Variants in IGSF21 observed in about 807,000 individuals in gnomAD.
The protein encoded by IGSF21 is immunoglobulin superfamily member 21.
Under a neutral mutation model 46.8 loss-of-function variants are expected in IGSF21, and 28 were observed. The observed-to-expected ratio is 0.60, with a 90% CI of 0.44 to 0.82. IGSF21 has a LOEUF of 0.82. Among genes scored for constraint, IGSF21 ranks in the 40% least tolerant of loss-of-function variants. IGSF21 has a pLI of 0.00. For synonymous variants in IGSF21, 284 were observed against 273.6 expected (o/e 1.04, Z -0.38); for missense variants, 624 against 665.5 (o/e 0.94, Z 0.69).
At chr1:18,256,763 G>T (rs1283349277) in intron 2 of IGSF21, among the ~76,000 whole-genome samples, 1 of 152,176 alleles carries the variant, frequency 6.6e-6, no homozygotes, top group Non-Finnish European at 1.5e-5. Flanking sequence ...TTCTGAGACA[G>T]GGGAGGAGAC....
chr1:18,286,900 G>A (rs917954480), intron 2 of IGSF21, among the ~76,000 whole-genome samples: 6 of 152,142 alleles, frequency 3.9e-5, no homozygotes, highest in Non-Finnish European at 7.3e-5. Context: ...CCCCATCTTC[G>A]GCCAGGCACA....
At chr1:18,173,826 T>C (rs2086767777) in intron 1 of IGSF21, among the ~76,000 whole-genome samples, 1 of 152,220 alleles carries the variant, frequency 6.6e-6, no homozygotes, top group Non-Finnish European at 1.5e-5. Context: ...CAATCTCAGC[T>C]CATTGCAACC....
At chr1:18,235,384 TAAAC>T (rs1037504410) in intron 2 of IGSF21, among the ~76,000 whole-genome samples, 10 of 152,102 alleles carry the variant, frequency 6.6e-5, no homozygotes, top group African/African-American at 2.4e-4. Context: ...GTTAAAAAGA[TAAAC>T]AAATAAGGAA....
At chr1:18,149,318 C>T (rs1034120961) in intron 1 of IGSF21, among the ~76,000 whole-genome samples, 1 of 152,092 alleles carries the variant, frequency 6.6e-6, no homozygotes, top group East Asian at 1.9e-4. Flanking sequence ...GGACAGTCTC[C>T]GAGGCTTCGG....
intron 1 of IGSF21, among the ~76,000 whole-genome samples, chr1:18,157,848 C>A (rs146899851): frequency 6.6e-6 from 1 of 152,108 alleles, no homozygotes; most frequent in Non-Finnish European, 1.5e-5. Context: ...CTCCATCTGA[C>A]TCAGGGCTCC....
intron 1 of IGSF21, among the ~76,000 whole-genome samples, chr1:18,172,679 C>G (rs748238693): frequency 4.1e-4 from 63 of 152,212 alleles, no homozygotes; most frequent in Non-Finnish European, 7.8e-4. Flanking sequence ...TAATTACTTT[C>G]TAAAACCCCT....
At chr1:18,199,937 G>A (rs370759805) in intron 1 of IGSF21, among the ~76,000 whole-genome samples, 33 of 151,032 alleles carry the variant, frequency 2.2e-4, no homozygotes, top group African/African-American at 7.7e-4. Context: ...CAATTGCATT[G>A]TGTGAGCAGG....
intron 9 of IGSF21, among the ~76,000 whole-genome samples, 154 bp downstream of exon 9, chr1:18,377,585 C>T (rs2086297426): frequency 6.6e-6 from 1 of 152,142 alleles, no homozygotes; most frequent in Non-Finnish European, 1.5e-5. Flanking sequence ...AGTCAGGGTC[C>T]AAAGTGGGCA....
intron 2 of IGSF21, among the ~76,000 whole-genome samples, chr1:18,262,522 A>T (rs2084955697): frequency 1.3e-5 from 2 of 152,218 alleles, no homozygotes; most frequent in South Asian, 4.1e-4. Flanking sequence ...CGGTGTCATT[A>T]TGGAGATGTA....
intron 2 of IGSF21, among the ~76,000 whole-genome samples, chr1:18,255,303 G>A (rs969439779): frequency 6.6e-6 from 1 of 152,162 alleles, no homozygotes; most frequent in Admixed American, 6.5e-5. Context: ...CCCCTGCTGG[G>A]CTTGTGGGGG....
intron 3 of IGSF21, among the ~76,000 whole-genome samples, chr1:18,294,593 A>G (rs914762223): frequency 1.3e-5 from 2 of 152,216 alleles, no homozygotes; most frequent in African/African-American, 2.4e-5. Flanking sequence ...CAGAGAGGGA[A>G]TGAGGCTTGC....
At position 18,322,957 on chromosome 1, in the gene IGSF21, G is replaced by A. The variant is rs1386916888; in HGVS notation, c.306-11935G>A. Among the ~76,000 whole-genome samples, 5 of 152,122 alleles carry A rather than the reference G, an allele frequency of 3.3e-5. 1 individual carries two copies. On this transcript the variant is annotated intron_variant, in intron 3 of 9. Coordinates refer to ENST00000251296, the MANE Select transcript of IGSF21 (RefSeq NM_032880.5). This position sits in a 1 kb window ranked among gnomAD's most constrained non-coding sequence, Gnocchi z 4.3. Reference sequence around the variant, plus strand: ...AGTGAAAGATGGAGGGTGGGAATGGGGAAGCGGGTTCAGGGCCCAAGGTGA... The same window carrying A: ...AGTGAAAGATGGAGGGTGGGAATGGAGAAGCGGGTTCAGGGCCCAAGGTGA...
chr1:18,253,190 C>T (rs2084858827), intron 2 of IGSF21, among the ~76,000 whole-genome samples: 1 of 151,912 alleles, frequency 6.6e-6, no homozygotes, highest in African/African-American at 2.4e-5. Context: ...GCAGGGTCTA[C>T]CCAGCCCCGT....
chr1:18,142,769 G>A (rs889989582), intron 1 of IGSF21, among the ~76,000 whole-genome samples: 1 of 152,230 alleles, frequency 6.6e-6, no homozygotes, highest in Non-Finnish European at 1.5e-5. Flanking sequence ...AGATGGGTCA[G>A]TTCAGGCCTC....
chr1:18,354,404 C>T (rs1384653720), intron 4 of IGSF21, among the ~76,000 whole-genome samples: 1 of 146,342 alleles, frequency 6.8e-6, no homozygotes, highest in African/African-American at 2.5e-5. Context: ...TGTGTGGAAC[C>T]AAAAGAAAAA....
At chr1:18,139,456 C>T (rs1264092771) in intron 1 of IGSF21, among the ~76,000 whole-genome samples, 1 of 152,202 alleles carries the variant, frequency 6.6e-6, no homozygotes, top group African/African-American at 2.4e-5. Context: ...ACCCTCTTCC[C>T]AGTGTCTTCG....
chr1:18,338,650 C>T (rs962847105), intron 4 of IGSF21, among the ~76,000 whole-genome samples: 31 of 152,138 alleles, frequency 2.0e-4, no homozygotes, highest in African/African-American at 4.6e-4. Context: ...CAGAGGCCTC[C>T]GGGTGAAGAT....
At chr1:18,208,811 T>A (rs2084361287) in intron 1 of IGSF21, among the ~76,000 whole-genome samples, 1 of 152,098 alleles carries the variant, frequency 6.6e-6, no homozygotes, top group Non-Finnish European at 1.5e-5. Flanking sequence ...TTTCACACAA[T>A]GAGATACTAA....
At chr1:18,114,865 G>C (rs544733989) in intron 1 of IGSF21, 1 of 152,194 alleles carries the variant, frequency 6.6e-6, no homozygotes, top group South Asian at 2.1e-4. Flanking sequence ...TAGCCACAGG[G>C]GTCTGGCATG....
Sources: gnomAD v4.1 joint callset for allele counts (sites outside exome capture counted in the v4.1 genomes callset) on GRCh38, gnomAD v4.1.1 for gene constraint, Gnocchi (gnomAD v3.1) non-coding constraint, MANE v1.5 for transcripts, NCBI Gene and HGNC (gene_info 2026-07-23, HGNC 2026-07-21) for gene names.